PADI6: variants seen among roughly 807,000 people sequenced by gnomAD.
The protein encoded by PADI6 is peptidyl arginine deiminase 6.
Under a neutral mutation model 78.2 loss-of-function variants are expected in PADI6, and 66 were observed. That is an observed-to-expected ratio of 0.84 (90% CI 0.69 to 1.04). The LOEUF (loss-of-function observed/expected upper bound fraction) is 1.04, where lower values mean the gene tolerates loss of function less well. Among genes scored for constraint, PADI6 ranks in the 50% least tolerant of loss-of-function variants. PADI6 has a pLI of 0.00. For missense variants in PADI6, 854 were observed against 866.1 expected (o/e 0.99, Z 0.18); for synonymous variants, 397 against 346.9 (o/e 1.14, Z -1.60).
rs1009493557 is a variant in PADI6 at position 17,395,441 on chromosome 1, G to A, written c.1495-99G>A. 42 of 1,434,688 alleles carry A rather than the reference G, an allele frequency of 2.9e-5. No homozygotes were observed. In the East Asian group the frequency reaches 8.9e-4, roughly 30 times the overall value. 88.9% of individuals were successfully genotyped at this position (1,434,688 alleles called of 1,614,324 possible). A position where few individuals can be genotyped will look rare whatever the true frequency, so the allele number is the denominator to read the frequency against. On this transcript the variant is annotated intron_variant, in intron 12 of 15. Transcript: ENST00000619609. ...CTGGTCTCGAACTTCTGACCTCAGAGGATCTGCCTGCCTCGGCCTCCAAAG... is the reference window on the plus strand; with the variant it reads ...CTGGTCTCGAACTTCTGACCTCAGAAGATCTGCCTGCCTCGGCCTCCAAAG...
intron 4 of PADI6, among the ~76,000 whole-genome samples, 155 bp downstream of exon 4, chr1:17,380,142 C>T (rs574101485): frequency 2.0e-4 from 31 of 152,220 alleles, no homozygotes; most frequent in South Asian, 4.1e-4. Flanking sequence ...CAAACTGTCA[C>T]GGTACAAGTC....
chr1:17,386,211 C>T lies in PADI6; in HGVS notation c.680-2170C>T, dbSNP rs898027621. On this transcript the variant is annotated intron_variant, in intron 6 of 15. Transcript: ENST00000619609. ...TTCTGTTTAATGGGGACAACAAATG[C>T]CTGCTTCAAAGGGTCCTGAGGATGT... Among the ~76,000 whole-genome samples, 4 of 152,174 alleles carry T rather than the reference C, an allele frequency of 2.6e-5. No individual in the cohort carries two copies. The East Asian group carries it at 5.8e-4, about 22-fold the overall frequency.
intron 8 of PADI6, 87 bp from the exon 9 acceptor site, chr1:17,392,025 ATG>A (rs1234617627): frequency 1.8e-6 from 2 of 1,083,260 alleles, no homozygotes; most frequent in Non-Finnish European, 2.7e-6. Flanking sequence ...GGTGAGAAGG[ATG>A]TGTTCTTCCT....
At chr1:17,375,975 C>A (rs2075011868) in intron 3 of PADI6, among the ~76,000 whole-genome samples, 1 of 150,244 alleles carries the variant, frequency 6.7e-6, no homozygotes, top group African/African-American at 2.5e-5. Context: ...ATAACATCTA[C>A]TTTTTTTTTC....
chr1:17,375,926 G>A (rs1250152097), intron 3 of PADI6, among the ~76,000 whole-genome samples: 3 of 151,530 alleles, frequency 2.0e-5, no homozygotes, highest in Non-Finnish European at 4.4e-5. Context: ...ACCCTTCCCC[G>A]CCCTCTAGAT....
At chr1:17,383,845 A>G (rs2075095459) in intron 6 of PADI6, among the ~76,000 whole-genome samples, 1 of 151,822 alleles carries the variant, frequency 6.6e-6, no homozygotes, top group Non-Finnish European at 1.5e-5. Context: ...ATTTTTTTAA[A>G]AAAACTTATT....
Position 17,391,893 on chromosome 1 carries a change from C to T in PADI6, c.963-221C>T, listed in dbSNP as rs116469050. 4.9e-3 allele frequency among the ~76,000 whole-genome samples: 739 copies of T among 152,360 alleles called. 4 individuals are homozygous for T. Among genetic ancestry groups the T allele is most frequent in the Admixed American group, 9.7e-3 (148 of 15,308 alleles). ...AGGGGCCGCCACTGGCACTTCCCAA[C>T]CTGGCTCTGCCATGGGCAAAGCTGA... On this transcript the variant is annotated intron_variant, in intron 8 of 15. Transcript: ENST00000619609.
Position 17,381,078 on chromosome 1 carries a change from G to A in PADI6, c.467G>A (p.Gly156Asp). The change falls in exon 5 of 16, where the codon GGT (glycine) becomes GAT (aspartate). Residue 156 changes from glycine to aspartate, a missense_variant. Transcript: ENST00000619609. ...TGGATCTGGGGTCCCAGCGGTTGGG[G>A]TGCCATCCTGCTTGTGAATTGCAAC... The part of the protein sequence containing the change: ...KKWIWGPSGW[G>D]AILLVNCNPA... The A allele has an allele frequency of 3.1e-6, 5 of 1,607,544 alleles. No individual in the cohort carries two copies. The highest frequency in any genetic ancestry group is 4.2e-6 in the Non-Finnish European group (5 of 1,177,224).
rs756229154 is a variant in PADI6 at position 17,397,039 on chromosome 1, CCAG to C, written c.1619-28_1619-26del. On this transcript the variant is annotated intron_variant, in intron 13 of 15. Coordinates refer to ENST00000619609, the MANE Select transcript of PADI6 (RefSeq NM_207421.4). ...TCTGGGCAGTGCTGCCATTCCCTGA[CCAG>C]CAGGCCTGCTGCCCGCTTCTTCCTA... The C allele has an allele frequency of 5.2e-5, 83 of 1,606,636 alleles. No homozygotes were observed. In the Admixed American group the frequency reaches 6.4e-4, roughly 12 times the overall value.
At position 17,378,037 on chromosome 1, in the gene PADI6, C is replaced by T. The variant is rs116840687; in HGVS notation, c.368-1883C>T. On this transcript the variant is annotated intron_variant, in intron 3 of 15. Coordinates refer to ENST00000619609, the MANE Select transcript of PADI6 (RefSeq NM_207421.4). ...CTTCTGCTGTGGGTCCTGTTGGCCA[C>T]TCTAACCCTTGGCCTTGCTGCCTTG... Among the ~76,000 whole-genome samples the T allele has an allele frequency of 3.0e-3, 458 of 152,314 alleles. 2 individuals are homozygous for T. The highest frequency in any genetic ancestry group is 6.8e-3 in the Middle Eastern group (2 of 294).
chr1:17,378,159 T>C (rs1167867918), intron 3 of PADI6, among the ~76,000 whole-genome samples: 1 of 152,206 alleles, frequency 6.6e-6, no homozygotes, highest in Non-Finnish European at 1.5e-5. Flanking sequence ...TGGGCTCCCT[T>C]GATCATCTAA....
chr1:17,377,457 CTAA>C (rs1429946870), intron 3 of PADI6, among the ~76,000 whole-genome samples: 4 of 152,186 alleles, frequency 2.6e-5, no homozygotes, highest in Non-Finnish European at 5.9e-5. Flanking sequence ...TCACGTGACT[CTAA>C]TGTCACCTAT....
At chr1:17,380,044 C>A in intron 4 of PADI6, 57 bp downstream of exon 4, 1 of 1,550,396 alleles carries the variant, frequency 6.4e-7, no homozygotes, top group Non-Finnish European at 8.9e-7. Flanking sequence ...AATCTGCCCA[C>A]AGGCTCACTT....
intron 6 of PADI6, among the ~76,000 whole-genome samples, chr1:17,387,453 AAAG>A (rs1029931591): frequency 3.0e-4 from 43 of 142,768 alleles, no homozygotes; most frequent in African/African-American, 1.0e-3. Flanking sequence ...TCAAAAAAGA[AAAG>A]GAGGGGGGGG....
chr1:17,388,997 A>C (rs1570140159), intron 8 of PADI6, 117 bp downstream of exon 8: 4 of 770,012 alleles, frequency 5.2e-6, no homozygotes. Flanking sequence ...GAGAGTTGAA[A>C]CCCTTCTGTC....
In PADI6 at chr1:17,387,516, G is replaced by A. The variant is rs113352204; in HGVS notation, c.680-865G>A. ...GTAATCCCAGCACTTTGGGAGGTCC[G>A]AGGTAGGCAGATCACGAGGTCAGGA... On this transcript the variant is annotated intron_variant, in intron 6 of 15. Transcript: ENST00000619609. 2.1e-3 allele frequency among the ~76,000 whole-genome samples: 313 copies of A among 152,076 alleles called. 3 individuals carry two copies. The highest frequency in any genetic ancestry group is 7.0e-3 in the African/African-American group (289 of 41,486).
At chr1:17,377,121 C>T (rs565324850) in intron 3 of PADI6, among the ~76,000 whole-genome samples, 45 of 152,142 alleles carry the variant, frequency 3.0e-4, no homozygotes, top group African/African-American at 9.4e-4. Context: ...ACTACAGGCA[C>T]GCACCACCAT....
intron 8 of PADI6, among the ~76,000 whole-genome samples, chr1:17,390,645 G>A (rs1345166496): frequency 6.6e-6 from 1 of 151,658 alleles, no homozygotes; most frequent in Non-Finnish European, 1.5e-5. Context: ...GGCTCCGTGG[G>A]TGTAGAAGCC....
Position 17,394,306 on chromosome 1 carries a change from G to GGT in PADI6, c.1190_1191dup (p.Ile398ValfsTer5). 2 of 1,613,042 alleles carry GGT rather than the reference G, an allele frequency of 1.2e-6. No homozygotes were observed. The highest frequency in any genetic ancestry group is 1.7e-6 in the Non-Finnish European group (2 of 1,179,158). On this transcript the variant is annotated frameshift_variant, in exon 11 of 16. Transcript: ENST00000619609. LOFTEE classifies it high-confidence loss of function. ...GGCTCGGTCTCTCCCCCAGAGCCCT[G>GGT]GTATTGGCTACATGATCCAGGACAC...
Sources: gnomAD v4.1 joint callset for allele counts (sites outside exome capture counted in the v4.1 genomes callset) on GRCh38, gnomAD v4.1.1 for gene constraint, MANE v1.5 for transcripts, NCBI Gene and HGNC (gene_info 2026-07-23, HGNC 2026-07-21) for gene names.